The following CLVS1 variants were observed in gnomAD, a reference collection of about 807,000 sequenced individuals.
CLVS1 encodes clavesin 1.
A neutral mutation model predicts 33.1 loss-of-function variants in CLVS1; 10 were observed. The ratio of observed to expected loss-of-function variants is 0.30; its 90% CI spans 0.19 to 0.51. The LOEUF is 0.51. Among genes scored for constraint, CLVS1 ranks in the 20% least tolerant of loss-of-function variants. The pLI is 0.97. For synonymous variants in CLVS1, 163 were observed against 166.1 expected, an observed-to-expected ratio of 0.98 and a Z score of 0.14; for missense variants, 343 against 433.4, an observed-to-expected ratio of 0.79 and a Z score of 1.85.
chr8:60,985,115 ATT>A, the CLVS1 span, among the ~76,000 whole-genome samples: 9 of 152,156 alleles, frequency 5.9e-5, no homozygotes, highest in Non-Finnish European at 1.2e-4. Flanking sequence ...TGTTAAGGCT[ATT>A]TTTTCTTCTC....
chr8:61,260,428 T>C (rs542058735), intron 2 of CLVS1, among the ~76,000 whole-genome samples: 129 of 152,230 alleles, frequency 8.5e-4, no homozygotes, highest in African/African-American at 2.7e-3. Context: ...AACAAAACAT[T>C]TTTCCTTAGG....
chr8:61,387,807 G>C (rs1814148381), intron 3 of CLVS1, among the ~76,000 whole-genome samples: 1 of 152,108 alleles, frequency 6.6e-6, no homozygotes. Flanking sequence ...AATGCCATTA[G>C]TTTGTTCCTT....
chr8:61,412,654 G>T (rs557068160), intron 3 of CLVS1, among the ~76,000 whole-genome samples: 2 of 152,162 alleles, frequency 1.3e-5, no homozygotes, highest in African/African-American at 4.8e-5. Context: ...CTTCTCTGCC[G>T]TTGCACCTCC....
intron 1 of CLVS1, among the ~76,000 whole-genome samples, chr8:61,088,987 A>G (rs1222538237): frequency 6.6e-6 from 1 of 151,922 alleles, no homozygotes. Context: ...TATTTTTGGT[A>G]GAGACGGGGT....
At chr8:61,140,368 C>G (rs567552893) in intron 2 of CLVS1, among the ~76,000 whole-genome samples, 136 of 152,196 alleles carry the variant, frequency 8.9e-4, no homozygotes, top group African/African-American at 3.1e-3. Flanking sequence ...TCATGAAGAC[C>G]ATAAATTAAC....
chr8:61,054,360 C>A (rs1430016512), upstream of CLVS1, among the ~76,000 whole-genome samples: 1 of 152,158 alleles, frequency 6.6e-6, no homozygotes, highest in African/African-American at 2.4e-5. Flanking sequence ...ATCCTGTGGG[C>A]TGCCAGGGAT....
At chr8:61,370,143 T>C (rs926733166) in intron 2 of CLVS1, among the ~76,000 whole-genome samples, 6 of 152,182 alleles carry the variant, frequency 3.9e-5, no homozygotes, top group Admixed American at 6.5e-5. Flanking sequence ...AATCATCATA[T>C]TAAGTGTGAT....
chr8:61,250,916 T>C (rs1472341773), intron 2 of CLVS1, among the ~76,000 whole-genome samples: 1 of 152,202 alleles, frequency 6.6e-6, no homozygotes, highest in African/African-American at 2.4e-5. Flanking sequence ...TTCTTTCTCT[T>C]ACCTGATTGC....
chr8:61,356,475 A>G (rs1464487746), intron 2 of CLVS1, among the ~76,000 whole-genome samples: 1 of 151,194 alleles, frequency 6.6e-6, no homozygotes, highest in African/African-American at 2.4e-5. Flanking sequence ...TGTTTTAGAC[A>G]TGAAGTCCTT....
intron 1 of CLVS1, among the ~76,000 whole-genome samples, chr8:61,087,750 C>T (rs1805153289): frequency 2.0e-5 from 3 of 152,064 alleles, no homozygotes; most frequent in Admixed American, 2.0e-4. Context: ...GGGAAGTGTT[C>T]CCCAATAAAC....
chr8:61,327,414 T>A (rs1346090697), intron 2 of CLVS1, among the ~76,000 whole-genome samples: 1 of 152,168 alleles, frequency 6.6e-6, no homozygotes, highest in Non-Finnish European at 1.5e-5. Context: ...TTCAAATTAC[T>A]TTTAGTACTA....
intron 2 of CLVS1, among the ~76,000 whole-genome samples, chr8:61,174,920 G>A (rs13266125): frequency 3.4e-5 from 3 of 88,978 alleles, no homozygotes; most frequent in South Asian, 3.6e-4. Flanking sequence ...TCTATTTTCT[G>A]TCTATAAGAG....
chr8:60,967,502 T>G, the CLVS1 span: 2 of 354,910 alleles, frequency 5.6e-6, no homozygotes, highest in East Asian at 8.6e-5. Flanking sequence ...GGACCACGAG[T>G]GCAGTAGCCA....
At chr8:60,987,165 C>T in the CLVS1 span, among the ~76,000 whole-genome samples, 6 of 152,262 alleles carry the variant, frequency 3.9e-5, no homozygotes, top group African/African-American at 1.4e-4. Flanking sequence ...AGGGAGATGC[C>T]CAGGGTACTG....
intron 2 of CLVS1, among the ~76,000 whole-genome samples, chr8:61,259,040 G>T (rs565410183): frequency 1.5e-4 from 23 of 152,166 alleles, no homozygotes; most frequent in Non-Finnish European, 3.1e-4. Flanking sequence ...GCTTAGGAAA[G>T]AATTCTATGG....
At chr8:61,339,626 A>G (rs1794633916) in intron 2 of CLVS1, among the ~76,000 whole-genome samples, 1 of 152,082 alleles carries the variant, frequency 6.6e-6, no homozygotes. Flanking sequence ...TGTTTGGCCT[A>G]TATCTCATCA....
At chr8:60,965,756 C>A in the CLVS1 span, 2 of 152,254 alleles carry the variant, frequency 1.3e-5, no homozygotes, top group African/African-American at 2.4e-5. Flanking sequence ...TGGTGCATGG[C>A]ATTTTTATTT....
chr8:61,146,691 C>A lies in CLVS1; in HGVS notation c.-152+14831C>A, dbSNP rs184245529. ...CTAATAACATATGGCACAGAATCAG[C>A]AAAGAAGAACAGGACAAATGGCGAG... On this transcript the variant is annotated intron_variant, in intron 2 of 2. Transcript: ENST00000522621. 1.1e-3 allele frequency among the ~76,000 whole-genome samples: 166 copies of A among 152,322 alleles called. 1 individual carries two copies. The highest frequency in any genetic ancestry group is 3.6e-3 in the African/African-American group (148 of 41,560).
At chr8:61,038,789 T>G in the CLVS1 span, among the ~76,000 whole-genome samples, 1 of 152,156 alleles carries the variant, frequency 6.6e-6, no homozygotes, top group East Asian at 1.9e-4. Context: ...AAATGAGTGC[T>G]CAGCGCATGT....
Sources: allele counts gnomAD v4.1 joint callset (sites outside exome capture counted in the v4.1 genomes callset), GRCh38; gene constraint gnomAD v4.1.1; transcripts MANE v1.5; gene names NCBI Gene and HGNC (gene_info 2026-07-23, HGNC 2026-07-21).